ERBB4: variants seen among roughly 807,000 people sequenced by gnomAD.
The protein encoded by ERBB4 is erb-b2 receptor tyrosine kinase 4.
In ERBB4, 42 loss-of-function variants were observed where a neutral mutation model predicts 158.0. The observed-to-expected ratio is 0.27, with a 90% CI of 0.21 to 0.34. The LOEUF (loss-of-function observed/expected upper bound fraction) is 0.34. Ranked by LOEUF, ERBB4 falls within the 10% of genes least tolerant of loss-of-function variation. The pLI, the probability that ERBB4 is intolerant of heterozygous loss-of-function variation, is 1.00. For missense variants in ERBB4, 1,333 were observed against 1,624.1 expected, an observed-to-expected ratio of 0.82 and a Z score of 3.08; for synonymous variants, 583 against 558.7, an observed-to-expected ratio of 1.04 and a Z score of -0.61.
intron 1 of ERBB4, among the ~76,000 whole-genome samples, chr2:212,260,643 T>C: frequency 6.6e-6 from 1 of 151,986 alleles, no homozygotes; most frequent in East Asian, 1.9e-4. Flanking sequence ...TGAAACCCCG[T>C]CTCTACTAAA....
At chr2:211,487,984 C>A (rs1382271068) in intron 20 of ERBB4, among the ~76,000 whole-genome samples, 1 of 151,900 alleles carries the variant, frequency 6.6e-6, no homozygotes. Context: ...TACTCATGAA[C>A]AGAGTAATTA....
chr2:212,323,287 C>T (rs2087655424), intron 1 of ERBB4, among the ~76,000 whole-genome samples: 1 of 150,452 alleles, frequency 6.6e-6, no homozygotes, highest in African/African-American at 2.4e-5. Flanking sequence ...CCAAATTAGC[C>T]ATCATCCTAT....
intron 20 of ERBB4, among the ~76,000 whole-genome samples, chr2:211,516,845 C>A (rs144225830): frequency 8.6e-4 from 131 of 151,972 alleles, no homozygotes; most frequent in Non-Finnish European, 1.6e-3. Flanking sequence ...AGTGATGTGA[C>A]CAACTCTGAT....
chr2:211,780,370 A>T (rs1284764687), intron 4 of ERBB4, among the ~76,000 whole-genome samples: 1 of 152,212 alleles, frequency 6.6e-6, no homozygotes, highest in Non-Finnish European at 1.5e-5. Flanking sequence ...CTAAAAAAAT[A>T]AAAAATAAAC....
chr2:212,513,634 A>C (rs1691651545), intron 1 of ERBB4, among the ~76,000 whole-genome samples: 1 of 152,088 alleles, frequency 6.6e-6, no homozygotes, highest in South Asian at 2.1e-4. Context: ...AACACGGTGA[A>C]GCCCGTCTCT....
chr2:211,801,919 C>T (rs2076506129), intron 3 of ERBB4, among the ~76,000 whole-genome samples: 2 of 152,090 alleles, frequency 1.3e-5, no homozygotes, highest in South Asian at 4.1e-4. Flanking sequence ...TGCTACCTAG[C>T]TGAGATGCAA....
chr2:212,349,629 G>T (rs2089168017), intron 1 of ERBB4, among the ~76,000 whole-genome samples: 1 of 152,114 alleles, frequency 6.6e-6, no homozygotes, highest in South Asian at 2.1e-4. Context: ...TGTGAAGTCT[G>T]CCCTTATGCT....
At chr2:212,099,736 G>GTTTT (rs3037296) in intron 2 of ERBB4, among the ~76,000 whole-genome samples, 42 of 144,616 alleles carry the variant, frequency 2.9e-4, no homozygotes, top group Non-Finnish European at 3.9e-4. Context: ...TTGTTTTACA[G>GTTTT]TTTTTTTTTT....
chr2:211,797,496 T>C (rs557495734), intron 3 of ERBB4, among the ~76,000 whole-genome samples: 11 of 151,942 alleles, frequency 7.2e-5, no homozygotes, highest in South Asian at 2.1e-4. Flanking sequence ...ATAATATTGC[T>C]ATGTATGTTT....
At chr2:211,769,759 G>T (rs1362962498) in intron 4 of ERBB4, among the ~76,000 whole-genome samples, 1 of 152,202 alleles carries the variant, frequency 6.6e-6, no homozygotes, top group Non-Finnish European at 1.5e-5. Context: ...TCTGAGGGCA[G>T]GAAGCATTCA....
chr2:212,359,592 A>G lies in ERBB4; in HGVS notation c.82+178857T>C, dbSNP rs2089605447. On this transcript the variant is annotated intron_variant, in intron 1 of 27. Coordinates refer to ENST00000342788, the MANE Select transcript of ERBB4 (RefSeq NM_005235.3). ...CAGAGACAAGGCGCTTAAGAGTTCTAGCTGCTGTAAACACTCCCCTGATAG... is the reference window on the plus strand; with the variant it reads ...CAGAGACAAGGCGCTTAAGAGTTCTGGCTGCTGTAAACACTCCCCTGATAG... Among the ~76,000 whole-genome samples the G allele has an allele frequency of 2.0e-5, 3 of 151,752 alleles. No individual in the cohort carries two copies. The South Asian group carries it at 6.2e-4, about 31-fold the overall frequency.
At chr2:212,235,652 T>A (rs1468319217) in intron 1 of ERBB4, among the ~76,000 whole-genome samples, 1 of 152,208 alleles carries the variant, frequency 6.6e-6, no homozygotes, top group African/African-American at 2.4e-5. Context: ...CCTTAAACAG[T>A]GGTTTGTAGT....
At chr2:212,141,033 T>C (rs1158616232) in intron 1 of ERBB4, among the ~76,000 whole-genome samples, 4 of 151,982 alleles carry the variant, frequency 2.6e-5, no homozygotes, top group South Asian at 2.1e-4. Context: ...TTTTAAATTA[T>C]ATTACTAATG....
At chr2:212,337,674 C>G (rs1000860423) in intron 1 of ERBB4, among the ~76,000 whole-genome samples, 4 of 152,080 alleles carry the variant, frequency 2.6e-5, no homozygotes, top group African/African-American at 9.7e-5. Flanking sequence ...ATATCTAATG[C>G]AATCTGAGTT....
chr2:212,036,728 T>C (rs1490865275), intron 2 of ERBB4, among the ~76,000 whole-genome samples: 1 of 152,172 alleles, frequency 6.6e-6, no homozygotes, highest in Non-Finnish European at 1.5e-5. Context: ...CCTGACAAAG[T>C]GCTGGGATTA....
chr2:212,536,845 A>C (rs150372992), intron 1 of ERBB4, among the ~76,000 whole-genome samples: 1 of 152,258 alleles, frequency 6.6e-6, no homozygotes, highest in Non-Finnish European at 1.5e-5. Context: ...GTCGGTCGCC[A>C]ATGCCTTTGA....
At chr2:211,996,557 A>G (rs916783050) in intron 2 of ERBB4, among the ~76,000 whole-genome samples, 19 of 152,178 alleles carry the variant, frequency 1.2e-4, no homozygotes, top group African/African-American at 4.3e-4. Context: ...AATCTCATTA[A>G]GGTTTTCCCC....
chr2:212,255,148 G>A (rs533467515), intron 1 of ERBB4, among the ~76,000 whole-genome samples: 6 of 152,202 alleles, frequency 3.9e-5, no homozygotes, highest in Non-Finnish European at 7.4e-5. Flanking sequence ...GCATTAGGCT[G>A]TATACCTGAA....
chr2:212,293,871 A>C (rs1221875199), intron 1 of ERBB4, among the ~76,000 whole-genome samples: 2 of 146,858 alleles, frequency 1.4e-5, no homozygotes, highest in African/African-American at 5.3e-5. Context: ...AAAAAAAAAA[A>C]AACATACATT....
Sources: allele counts gnomAD v4.1 joint callset (sites outside exome capture counted in the v4.1 genomes callset), GRCh38; gene constraint gnomAD v4.1.1; transcripts MANE v1.5; gene names NCBI Gene and HGNC (gene_info 2026-07-23, HGNC 2026-07-21).